The following EFCAB6 variants were observed in gnomAD, a reference collection of about 807,000 sequenced individuals.
The protein encoded by EFCAB6 is EF-hand calcium binding domain 6.
A neutral mutation model predicts 169.8 loss-of-function variants in EFCAB6; 156 were observed. That is an observed-to-expected ratio of 0.92 (90% CI 0.81 to 1.05). EFCAB6 has a LOEUF of 1.05. EFCAB6 is among the 50% of genes least tolerant of loss of function. The pLI, the probability that EFCAB6 is intolerant of heterozygous loss-of-function variation, is 0.00. For synonymous variants in EFCAB6, 698 were observed against 676.4 expected (o/e 1.03, Z -0.50); for missense variants, 1,800 against 1,829.1 (o/e 0.98, Z 0.29).
At chr22:43,753,820 C>T (rs1420600325) in intron 6 of EFCAB6, among the ~76,000 whole-genome samples, 1 of 152,144 alleles carries the variant, frequency 6.6e-6, no homozygotes, top group African/African-American at 2.4e-5. Context: ...GAGTCTGGCT[C>T]CAAAAATTCA....
intron 19 of EFCAB6, among the ~76,000 whole-genome samples, chr22:43,626,908 T>C (rs952686964): frequency 8.5e-5 from 13 of 152,172 alleles, no homozygotes; most frequent in African/African-American, 3.1e-4. Context: ...ATGATCCTCT[T>C]TGAATGCAAA....
In EFCAB6 at chr22:43,626,554, A is replaced by G. The variant is rs563152320; in HGVS notation, c.2358T>C (p.Leu786=). 8 of 1,614,222 alleles carry G rather than the reference A, an allele frequency of 5.0e-6. No homozygotes were observed. The South Asian group carries it at 7.7e-5, about 16-fold the overall frequency. ...CACTAAGTCTCAAGCCAAGAAGGCCAAGGAAGCGCTCAAACTCGTCGTCTT... is the reference window on the plus strand; with the variant it reads ...CACTAAGTCTCAAGCCAAGAAGGCCGAGGAAGCGCTCAAACTCGTCGTCTT... The part of the protein sequence containing the change: ...NLKDDEFERF[L]GLLGLRLSVT... The change falls in exon 20 of 32, where the codon CTT becomes CTC. Residue 786 remains leucine, a synonymous_variant. Transcript: ENST00000262726.
chr22:43,567,109 C>CTCCACCTCATCA (rs2049491837), intron 26 of EFCAB6, among the ~76,000 whole-genome samples: 1 of 151,850 alleles, frequency 6.6e-6, no homozygotes, highest in African/African-American at 2.4e-5. Context: ...TTAGGTCATC[C>CTCCACCTCATCA]TCCTCCTCAT....
At chr22:43,582,917 A>G (rs1362474082) in intron 24 of EFCAB6, among the ~76,000 whole-genome samples, 1 of 152,186 alleles carries the variant, frequency 6.6e-6, no homozygotes, top group Non-Finnish European at 1.5e-5. Flanking sequence ...TTTTCCCCAT[A>G]TGACTTAGAA....
At chr22:43,732,334 A>G (rs995635774) in intron 7 of EFCAB6, among the ~76,000 whole-genome samples, 1 of 152,190 alleles carries the variant, frequency 6.6e-6, no homozygotes, top group Non-Finnish European at 1.5e-5. Context: ...CACAGATGGC[A>G]TATGGTTTCA....
intron 6 of EFCAB6, among the ~76,000 whole-genome samples, chr22:43,741,341 C>A (rs2060362814): frequency 6.6e-6 from 1 of 152,186 alleles, no homozygotes; most frequent in Non-Finnish European, 1.5e-5. Flanking sequence ...TGCCCCTTTT[C>A]ACTCTGCCTC....
intron 9 of EFCAB6, among the ~76,000 whole-genome samples, chr22:43,711,960 T>C (rs976964787): frequency 2.0e-5 from 3 of 152,204 alleles, no homozygotes; most frequent in Non-Finnish European, 2.9e-5. Flanking sequence ...TTTTCCCTAC[T>C]GTGAGCCCAC....
At chr22:43,794,781 T>C (rs1024799096) in intron 2 of EFCAB6, among the ~76,000 whole-genome samples, 5 of 152,242 alleles carry the variant, frequency 3.3e-5, no homozygotes, top group African/African-American at 1.2e-4. Flanking sequence ...AGTCTCATAC[T>C]GCCTTAATAT....
intron 10 of EFCAB6, among the ~76,000 whole-genome samples, chr22:43,692,190 C>T (rs931564545): frequency 2.0e-5 from 3 of 152,156 alleles, no homozygotes; most frequent in Non-Finnish European, 2.9e-5. Flanking sequence ...AAGATCTGAA[C>T]TGAGATCAGA....
chr22:43,550,279 G>A (rs997031278), intron 27 of EFCAB6, among the ~76,000 whole-genome samples: 3 of 152,162 alleles, frequency 2.0e-5, no homozygotes, highest in Non-Finnish European at 4.4e-5. Context: ...GAGAGCAGAA[G>A]CACGACTGAA....
chr22:43,676,878 A>T (rs2057784943), intron 13 of EFCAB6, among the ~76,000 whole-genome samples: 1 of 152,230 alleles, frequency 6.6e-6, no homozygotes, highest in Non-Finnish European at 1.5e-5. Flanking sequence ...AATAGAATGC[A>T]GCTGGCTTCA....
intron 20 of EFCAB6, among the ~76,000 whole-genome samples, chr22:43,625,768 C>T (rs1232792296): frequency 6.6e-6 from 1 of 152,236 alleles, no homozygotes; most frequent in East Asian, 1.9e-4. Flanking sequence ...GGTCTGCATT[C>T]CCCAAATTCA....
chr22:43,667,489 G>T (rs2146934193), intron 16 of EFCAB6, among the ~76,000 whole-genome samples: 1 of 152,258 alleles, frequency 6.6e-6, no homozygotes, highest in East Asian at 1.9e-4. Flanking sequence ...CAGTGTCCAA[G>T]TGAAAGCCCA....
At chr22:43,763,119 A>G (rs2061219537) in intron 5 of EFCAB6, among the ~76,000 whole-genome samples, 1 of 151,410 alleles carries the variant, frequency 6.6e-6, no homozygotes, top group Non-Finnish European at 1.5e-5. Context: ...GCTCACTACA[A>G]CCTCTGCCTC....
intron 26 of EFCAB6, among the ~76,000 whole-genome samples, chr22:43,571,021 T>C (rs1003301284): frequency 6.6e-6 from 1 of 152,128 alleles, no homozygotes; most frequent in Non-Finnish European, 1.5e-5. Flanking sequence ...GAAGGAGCAA[T>C]GACAGGGGAG....
rs5764315 is a variant in EFCAB6, at chr22:43,808,648, G to A, written c.-8+347C>T. On this transcript the variant is annotated intron_variant, in intron 2 of 31. Coordinates refer to ENST00000262726, the MANE Select transcript of EFCAB6 (RefSeq NM_022785.4). ...AAAGATAAATCAGACAGAGCATTGG[G>A]CAAAAACAAAAACAAAAACAAAAAC... is the stretch of plus-strand genomic sequence containing the variant. 3.9e-3 allele frequency among the ~76,000 whole-genome samples: 599 copies of A among 152,040 alleles called. 1 individual carries two copies. Among genetic ancestry groups the A allele is most frequent in the East Asian group, 0.034 (177 of 5,188 alleles).
At chr22:43,786,592 G>A (rs2062085672) in intron 2 of EFCAB6, among the ~76,000 whole-genome samples, 1 of 151,832 alleles carries the variant, frequency 6.6e-6, no homozygotes, top group Admixed American at 6.6e-5. Context: ...CATGGTGGCG[G>A]GCACCTGTAG....
intron 18 of EFCAB6, 95 bp from the exon 19 acceptor site, chr22:43,632,333 C>T (rs1029996687): frequency 7.5e-6 from 11 of 1,460,798 alleles, no homozygotes; most frequent in Non-Finnish European, 9.0e-6. Flanking sequence ...GAGTCTCGCT[C>T]TTGTTGCCCA....
intron 20 of EFCAB6, among the ~76,000 whole-genome samples, chr22:43,623,925 AAAAAAAG>A (rs1463524017): frequency 6.6e-6 from 1 of 150,454 alleles, no homozygotes; most frequent in Non-Finnish European, 1.5e-5. Flanking sequence ...AAAAAAAAGA[AAAAAAAG>A]AAAAAAGAAA....
Sources: gnomAD v4.1 joint callset for allele counts (sites outside exome capture counted in the v4.1 genomes callset) on GRCh38, gnomAD v4.1.1 for gene constraint, MANE v1.5 for transcripts, NCBI Gene and HGNC (gene_info 2026-07-23, HGNC 2026-07-21) for gene names.